Variants in PRKCH observed in about 807,000 individuals in gnomAD.
PRKCH encodes the protein protein kinase C eta, also known as protein kinase C eta type.
PRKCH carries 28 observed loss-of-function variants against 82.5 expected under a neutral mutation model. That is an observed-to-expected ratio of 0.34 (90% CI 0.25 to 0.47). The LOEUF is 0.47. Among genes scored for constraint, PRKCH ranks in the 20% least tolerant of loss-of-function variants. The pLI, the probability that PRKCH is intolerant of heterozygous loss-of-function variation, is 1.00. For synonymous variants in PRKCH, 322 were observed against 327.4 expected (o/e 0.98, Z 0.18); for missense variants, 705 against 881.8 (o/e 0.80, Z 2.54).
chr14:61,505,777 T>C (rs1887122783), intron 10 of PRKCH, among the ~76,000 whole-genome samples: 1 of 152,118 alleles, frequency 6.6e-6, no homozygotes, highest in African/African-American at 2.4e-5. Context: ...ACATTGAAGG[T>C]TAAGTTTCAA....
chr14:61,462,779 TC>T (rs146832555), intron 9 of PRKCH, among the ~76,000 whole-genome samples: 2,893 of 152,312 alleles, frequency 0.019, 98 homozygotes, highest in African/African-American at 0.066. Flanking sequence ...TTGGAGCCAC[TC>T]TACCTGCAAA....
At chr14:61,473,391 T>C (rs906647167) in intron 9 of PRKCH, among the ~76,000 whole-genome samples, 1 of 152,184 alleles carries the variant, frequency 6.6e-6, no homozygotes, top group Admixed American at 6.5e-5. Flanking sequence ...CTGGCTGCTA[T>C]GTACAGAGGG....
At chr14:61,196,571 A>T (rs1251323989) in intron 1 of PRKCH, among the ~76,000 whole-genome samples, 1 of 152,264 alleles carries the variant, frequency 6.6e-6, no homozygotes. Flanking sequence ...AAGTAATTTT[A>T]GTTGACAGGA....
At chr14:61,226,432 A>T (rs922528516) in intron 1 of PRKCH, among the ~76,000 whole-genome samples, 1 of 152,210 alleles carries the variant, frequency 6.6e-6, no homozygotes, top group African/African-American at 2.4e-5. Context: ...TCAAGAGAGG[A>T]AAGTATGTGT....
intron 1 of PRKCH, among the ~76,000 whole-genome samples, chr14:61,247,534 G>A (rs756645980): frequency 2.0e-5 from 3 of 151,872 alleles, no homozygotes; most frequent in South Asian, 2.1e-4. Context: ...TCAGGAGTTC[G>A]AGACCAGCCT....
At chr14:61,456,895 G>A (rs1884790739) in intron 7 of PRKCH, 3 of 315,458 alleles carry the variant, frequency 9.5e-6, no homozygotes, top group Non-Finnish European at 1.8e-5. Context: ...GACCACACAA[G>A]GCATTGGTGT....
intron 9 of PRKCH, among the ~76,000 whole-genome samples, chr14:61,480,414 A>G (rs1885920474): frequency 6.6e-6 from 1 of 152,230 alleles, no homozygotes; most frequent in African/African-American, 2.4e-5. Flanking sequence ...ACAGACTGAG[A>G]GTAGAGCTGT....
intron 1 of PRKCH, among the ~76,000 whole-genome samples, chr14:61,379,267 G>GTTC (rs1374937737): frequency 6.6e-6 from 1 of 151,864 alleles, no homozygotes. Context: ...TTGTACAAAC[G>GTTC]TTCCCTCTTT....
chr14:61,536,934 A>G (rs546560260), intron 12 of PRKCH, among the ~76,000 whole-genome samples: 12 of 152,114 alleles, frequency 7.9e-5, no homozygotes, highest in Non-Finnish European at 1.5e-4. Context: ...TTTCCTATAG[A>G]CGTGGGTAGT....
intron 10 of PRKCH, among the ~76,000 whole-genome samples, chr14:61,505,622 G>T (rs1040757147): frequency 6.6e-6 from 1 of 151,610 alleles, no homozygotes; most frequent in African/African-American, 2.4e-5. Context: ...TGATCCACCC[G>T]CCTTGGCCTG....
rs567053577 is a variant in PRKCH at position 61,550,130 on chromosome 14, T to G, written c.*299T>G. The G allele has an allele frequency of 7.4e-6, 2 of 270,062 alleles. No individual in the cohort carries two copies. Among genetic ancestry groups the G allele is most frequent in the South Asian group, 1.9e-4 (2 of 10,258 alleles). The allele number at this position is 270,062 out of a possible 1,614,324, so 16.7% of individuals were successfully genotyped here. ...TAACAGGAGCCAAAAGGAGGGAAAG[T>G]GTGAAGAATAAAGTAGATCTGAGAA... On this transcript the variant is annotated 3_prime_UTR_variant, in exon 14 of 14. Transcript: ENST00000332981.
chr14:61,390,291 A>T (rs1270292595), intron 1 of PRKCH, among the ~76,000 whole-genome samples: 1 of 152,212 alleles, frequency 6.6e-6, no homozygotes, highest in Non-Finnish European at 1.5e-5. Flanking sequence ...ATATGAAAAG[A>T]CTTCAAGCTG....
At chr14:61,223,649 T>C (rs1381828876) in intron 1 of PRKCH, among the ~76,000 whole-genome samples, 4 of 152,224 alleles carry the variant, frequency 2.6e-5, no homozygotes, top group Non-Finnish European at 2.9e-5. Flanking sequence ...AGATCTGTAA[T>C]ATACAATGGT....
intron 9 of PRKCH, among the ~76,000 whole-genome samples, chr14:61,472,528 G>C (rs1321162223): frequency 6.6e-6 from 1 of 152,174 alleles, no homozygotes; most frequent in Non-Finnish European, 1.5e-5. Flanking sequence ...AGAGCCACTT[G>C]CTGGCTTTTT....
At chr14:61,503,001 C>CTT (rs34050696) in intron 10 of PRKCH, among the ~76,000 whole-genome samples, 9 of 80,298 alleles carry the variant, frequency 1.1e-4, no homozygotes, top group Admixed American at 2.8e-4. Flanking sequence ...GGGAAGCAGG[C>CTT]TTTTTTTTTT....
At chr14:61,188,724 TGTGTGTGTGTGTGTGA>T (rs2044387677) in intron 1 of PRKCH, among the ~76,000 whole-genome samples, 1 of 147,648 alleles carries the variant, frequency 6.8e-6, no homozygotes, top group Admixed American at 6.8e-5. Context: ...TGTGTGTGTG[TGTGTGTGTGTGTGTGA>T]TGGAGTTTTG....
intron 1 of PRKCH, among the ~76,000 whole-genome samples, chr14:61,328,414 T>A (rs2045731905): frequency 2.0e-5 from 3 of 152,242 alleles, no homozygotes; most frequent in Non-Finnish European, 2.9e-5. Context: ...TATAACGTTT[T>A]TCACTTATAA....
intron 1 of PRKCH, among the ~76,000 whole-genome samples, chr14:61,316,411 T>C (rs895358035): frequency 8.5e-5 from 13 of 152,222 alleles, no homozygotes; most frequent in Non-Finnish European, 1.2e-4. Flanking sequence ...TACTAGGAAT[T>C]ATATACAGAG....
chr14:61,389,834 T>G (rs904484180), intron 1 of PRKCH, among the ~76,000 whole-genome samples: 1 of 150,000 alleles, frequency 6.7e-6, no homozygotes, highest in Non-Finnish European at 1.5e-5. Flanking sequence ...CTAGAGTTCT[T>G]GGCCTGGTCT....
Sources: allele counts gnomAD v4.1 joint callset (sites outside exome capture counted in the v4.1 genomes callset), GRCh38; gene constraint gnomAD v4.1.1; transcripts MANE v1.5; gene names NCBI Gene and HGNC (gene_info 2026-07-23, HGNC 2026-07-21).